ZNF454: variants seen among roughly 807,000 people sequenced by gnomAD.
ZNF454 encodes the protein zinc finger protein 454.
A neutral mutation model predicts 48.2 loss-of-function variants in ZNF454; 30 were observed. That is an observed-to-expected ratio of 0.62 (90% confidence interval 0.47 to 0.84). The LOEUF is 0.84. Ranked by LOEUF, ZNF454 falls within the 40% of genes least tolerant of loss-of-function variation. The pLI, the probability that ZNF454 is intolerant of heterozygous loss-of-function variation, is 0.00. For missense variants in ZNF454, 510 were observed against 623.1 expected, an observed-to-expected ratio of 0.82 and a Z score of 1.93; for synonymous variants, 204 against 211.4, an observed-to-expected ratio of 0.97 and a Z score of 0.30.
At chr5:178,989,424 G>C in the ZNF454 span, 1 of 1,613,748 alleles carries the variant, frequency 6.2e-7, no homozygotes, top group Admixed American at 1.7e-5. Context: ...AGGGAAGAAG[G>C]GGGAGGGTGG....
At chr5:178,942,955 A>C in intron 2 of ZNF454, 131 bp downstream of exon 2, 1 of 982,364 alleles carries the variant, frequency 1.0e-6, no homozygotes, top group Non-Finnish European at 1.5e-6. Context: ...CCTCTCCCCA[A>C]CCAACACCCT....
Position 178,964,676 on chromosome 5 carries a change from G to A in ZNF454, c.272G>A (p.Ser91Asn). The change falls in exon 5 of 5, where the codon AGT becomes AAT. Residue 91 changes from serine to asparagine, a missense_variant. Coordinates refer to ENST00000519564, the MANE Select transcript of ZNF454 (RefSeq NM_001178089.3). The part of the protein sequence containing the change: ...FCLDWMTMPA[S>N]KKSTVKAEIP... Reference sequence around the variant, plus strand: ...TCAGACTGGATGACTATGCCTGCCAGTAAGAAATCTACTGTCAAGGCAGAG... The same window carrying A: ...TCAGACTGGATGACTATGCCTGCCAATAAGAAATCTACTGTCAAGGCAGAG... The A allele has an allele frequency of 6.2e-7, 1 of 1,613,256 alleles. No individual in the cohort carries two copies. Among genetic ancestry groups the A allele is most frequent in the South Asian group, 1.1e-5 (1 of 91,072 alleles).
intron 2 of ZNF454, among the ~76,000 whole-genome samples, chr5:178,943,290 G>A (rs185341446): frequency 1.3e-5 from 2 of 152,176 alleles, no homozygotes; most frequent in Non-Finnish European, 1.5e-5. Context: ...ATGGCAGAAG[G>A]TGAAGGGGGA....
chr5:178,987,530 C>T, the ZNF454 span: 2 of 441,754 alleles, frequency 4.5e-6, no homozygotes, highest in Non-Finnish European at 9.2e-6. Context: ...ACCTGGAGGA[C>T]ATGATGCTCG....
At position 178,955,013 on chromosome 5, in the gene ZNF454, T is replaced by G. The variant is rs528468429; in HGVS notation, c.250+8027T>G. Among the ~76,000 whole-genome samples, 3 of 152,382 alleles carry G rather than the reference T, an allele frequency of 2.0e-5. No homozygotes were observed. The South Asian group carries it at 6.2e-4, about 32-fold the overall frequency. ...GCTAAAGCCACTATGAACATTCTTG[T>G]GTAAGTTTTTGTGGATAGTTTACAT... On this transcript the variant is annotated intron_variant, in intron 4 of 4. Coordinates refer to ENST00000519564, the MANE Select transcript of ZNF454 (RefSeq NM_001178089.3).
At chr5:178,985,466 G>A in the ZNF454 span, among the ~76,000 whole-genome samples, 4 of 151,666 alleles carry the variant, frequency 2.6e-5, no homozygotes, top group East Asian at 3.9e-4. Flanking sequence ...CACTTTGGGA[G>A]GCCGAGGTGG....
rs141965109 is a variant in ZNF454 at position 178,946,981 on chromosome 5, G to C, written c.245G>C (p.Cys82Ser). Residue 82 changes from cysteine to serine, a missense_variant, in exon 4 of 5, where the codon TGT (cysteine) becomes TCT (serine). By Grantham distance (112) the Cys-to-Ser change is moderately radical. This residue lies in a region of ZNF454 where 354 missense variants were observed against 408.9 expected (regional missense o/e 0.87). Coordinates refer to ENST00000519564, the MANE Select transcript of ZNF454 (RefSeq NM_001178089.3). The surrounding 1 kb of genome is among the most constrained non-coding windows in gnomAD (Gnocchi z 4.5). ...WMPEDTPGGF[C>S]LDWMTMPASK... The stretch of plus-strand genomic sequence containing the variant: ...CCAGAGGACACCCCTGGAGGCTTCT[G>C]TCTTGGTAAGAATCATGTGTGTGGG... 94 of 1,613,728 alleles carry C rather than the reference G, an allele frequency of 5.8e-5. No homozygotes were observed. Among genetic ancestry groups the C allele is most frequent in the Non-Finnish European group, 8.5e-6 (10 of 1,179,886 alleles).
downstream of ZNF454, among the ~76,000 whole-genome samples, chr5:178,968,072 G>T (rs1271735828): frequency 6.7e-6 from 1 of 148,738 alleles, no homozygotes; most frequent in South Asian, 2.1e-4. Flanking sequence ...AGTGCTTTCA[G>T]TAGAAATCAC....
the ZNF454 span, chr5:178,985,333 C>A: frequency 2.2e-6 from 1 of 448,518 alleles, no homozygotes; most frequent in Non-Finnish European, 4.5e-6. Context: ...CTTCAAGGAC[C>A]CAGCAGGGGA....
At position 178,964,905 on chromosome 5, in the gene ZNF454, A is replaced by G. The variant is rs1265025912; in HGVS notation, c.501A>G (p.Gln167=). The G allele has an allele frequency of 6.2e-7, 1 of 1,614,254 alleles. No homozygotes were observed. The highest frequency in any genetic ancestry group is 8.5e-7 in the Non-Finnish European group (1 of 1,180,048). ...STMSSSLHSD[Q]SQGFQPSKNA... ...TGAGCTCATCTCTTCACAGTGATCAAAGTCAGGGATTTCAACCTAGCAAAA... is the reference window on the plus strand; with the variant it reads ...TGAGCTCATCTCTTCACAGTGATCAGAGTCAGGGATTTCAACCTAGCAAAA... The change falls in exon 5 of 5, where the codon CAA becomes CAG. Residue 167 remains glutamine, a synonymous_variant. Transcript: ENST00000519564.
chr5:178,945,146 G>A (rs1437617300), intron 2 of ZNF454, among the ~76,000 whole-genome samples: 1 of 77,880 alleles, frequency 1.3e-5, no homozygotes, highest in African/African-American at 5.4e-5. Flanking sequence ...TCGTGTGTGT[G>A]TTGAGGGTCT....
the ZNF454 span, chr5:178,986,974 C>A: frequency 2.5e-6 from 4 of 1,613,642 alleles, no homozygotes; most frequent in South Asian, 4.4e-5. Flanking sequence ...CACAGGGGTT[C>A]CTGCGCTGCC....
the ZNF454 span, chr5:178,989,647 A>G: frequency 1.7e-6 from 1 of 593,880 alleles, no homozygotes; most frequent in South Asian, 1.9e-5. Flanking sequence ...TGGTGGACTC[A>G]GAGCCAACTG....
intron 2 of ZNF454, 92 bp downstream of exon 2, chr5:178,942,916 C>A: frequency 7.0e-7 from 1 of 1,430,314 alleles, no homozygotes; most frequent in South Asian, 1.4e-5. Flanking sequence ...ATTCCCAATC[C>A]AGTCCCACCC....
chr5:178,964,757 G>A lies in ZNF454; in HGVS notation c.353G>A (p.Ser118Asn), dbSNP rs184153007. The change falls in exon 5 of 5, where the codon AGT (serine) becomes AAT (asparagine). Residue 118 changes from serine to asparagine, a missense_variant. By Grantham distance (46) the Ser-to-Asn change is conservative. Around this residue, in one of 3 missense-constraint regions of ZNF454, gnomAD observed 354 missense variants for 408.9 expected, o/e 0.87. Transcript: ENST00000519564. ...ATAAAGGAAAGATTCAGTAGCAGTA[G>A]TCACTGGAAGTGTGCTAGCCTGCTG... ...WTIKERFSSS[S>N]HWKCASLLEW... The A allele has an allele frequency of 1.2e-5, 20 of 1,614,116 alleles. No homozygotes were observed. The highest frequency in any genetic ancestry group is 1.6e-5 in the Non-Finnish European group (19 of 1,180,052).
At chr5:178,972,686 C>T in the ZNF454 span, among the ~76,000 whole-genome samples, 1 of 152,120 alleles carries the variant, frequency 6.6e-6, no homozygotes, top group Non-Finnish European at 1.5e-5. Context: ...GCTGAGGCTG[C>T]GGCCTTTGGT....
At chr5:178,959,360 T>G (rs1378086656) in intron 4 of ZNF454, among the ~76,000 whole-genome samples, 1 of 152,212 alleles carries the variant, frequency 6.6e-6, no homozygotes, top group Non-Finnish European at 1.5e-5. Flanking sequence ...CTCTATTCTC[T>G]TTCATTCTTT....
intron 4 of ZNF454, among the ~76,000 whole-genome samples, chr5:178,949,335 A>G (rs1270990054): frequency 6.6e-6 from 1 of 151,754 alleles, no homozygotes; most frequent in African/African-American, 2.4e-5. Flanking sequence ...TACAGGCGTG[A>G]GCCACTGTGC....
chr5:178,968,447 A>G (rs1458364108), downstream of ZNF454, among the ~76,000 whole-genome samples: 1 of 152,172 alleles, frequency 6.6e-6, no homozygotes, highest in Admixed American at 6.5e-5. Context: ...AGTAATCTAA[A>G]TTCAGCCTTC....
Sources: allele counts gnomAD v4.1 joint callset (sites outside exome capture counted in the v4.1 genomes callset), GRCh38; gene constraint gnomAD v4.1.1; regional missense constraint gnomAD v4.1.1; non-coding constraint Gnocchi (gnomAD v3.1); transcripts MANE v1.5; gene names NCBI Gene and HGNC (gene_info 2026-07-23, HGNC 2026-07-21).